The following STK10 variants were observed in gnomAD, a reference collection of about 807,000 sequenced individuals.
The protein encoded by STK10 is serine/threonine-protein kinase 10.
Under a neutral mutation model 113.8 loss-of-function variants are expected in STK10, and 78 were observed. The ratio of observed to expected loss-of-function variants is 0.69; its 90% confidence interval spans 0.57 to 0.83. The LOEUF is 0.83. STK10 is among the 40% of genes least tolerant of loss of function. The pLI is 0.00. For missense variants in STK10, 1,109 were observed against 1,280.1 expected, an observed-to-expected ratio of 0.87 and a Z score of 2.04; for synonymous variants, 465 against 494.7, an observed-to-expected ratio of 0.94 and a Z score of 0.80.
rs114978762 is a variant in STK10, at chr5:172,181,152, C to T, written c.156+6735G>A. On this transcript the variant is annotated intron_variant, in intron 1 of 18. Coordinates refer to ENST00000176763, the MANE Select transcript of STK10 (RefSeq NM_005990.4). ...ACACACCTCCTTCCACAGCTCCCTACGCTGCTGCCTTCCCAGCACCCACAT... is the reference window on the plus strand; with the variant it reads ...ACACACCTCCTTCCACAGCTCCCTATGCTGCTGCCTTCCCAGCACCCACAT... Among the ~76,000 whole-genome samples, 424 of 152,338 alleles carry T rather than the reference C, an allele frequency of 2.8e-3. 1 individual carries two copies. The highest frequency in any genetic ancestry group is 9.7e-3 in the African/African-American group (405 of 41,584).
At chr5:172,138,753 C>G (rs1300457707) in intron 2 of STK10, among the ~76,000 whole-genome samples, 1 of 152,112 alleles carries the variant, frequency 6.6e-6, no homozygotes, top group Non-Finnish European at 1.5e-5. Flanking sequence ...TGGCTCACAC[C>G]TGTAATCCCA....
intron 4 of STK10, chr5:172,114,729 C>G (rs1162924304): frequency 6.6e-6 from 1 of 151,572 alleles, no homozygotes; most frequent in Admixed American, 6.6e-5. Context: ...GTGATCCGCC[C>G]GCCTCGGCCT....
rs1364976034 is a variant in STK10 at position 172,043,011 on chromosome 5, A to G, written c.*1871T>C. ...CATGTATCTGTCGTCCCAGCTACTC[A>G]AGGTTGAAGCGGGAGAATCAGTTGA... is the stretch of plus-strand genomic sequence containing the variant. On this transcript the variant is annotated 3_prime_UTR_variant, in exon 19 of 19. Transcript: ENST00000176763. 1 of 152,116 alleles carries G rather than the reference A, an allele frequency of 6.6e-6. No individual in the cohort carries two copies. Among genetic ancestry groups the G allele is most frequent in the Non-Finnish European group, 1.5e-5 (1 of 68,018 alleles). The allele number at this position is 152,116 out of a possible 1,614,324, so 9.4% of individuals were successfully genotyped here.
intron 1 of STK10, among the ~76,000 whole-genome samples, chr5:172,180,234 C>T (rs1233356162): frequency 2.0e-5 from 3 of 152,190 alleles, no homozygotes; most frequent in Non-Finnish European, 4.4e-5. Context: ...GAGGCCGAGG[C>T]GGGCAGATCA....
chr5:172,166,684 T>C (rs1043019069), intron 1 of STK10, among the ~76,000 whole-genome samples: 1 of 152,106 alleles, frequency 6.6e-6, no homozygotes, highest in Non-Finnish European at 1.5e-5. Flanking sequence ...AGCAAAAACA[T>C]GCAATTGTGA....
In STK10 at chr5:172,054,619, C is replaced by T; in HGVS notation, c.2602G>A (p.Asp868Asn). Residue 868 changes from aspartate (D) to asparagine (N), a missense_variant, in exon 17 of 19, where the codon GAC (aspartate) becomes AAC (asparagine). Asp to Asn is a conservative substitution (Grantham distance 23). Around this residue, in one of 5 missense-constraint regions of STK10, gnomAD observed 885 missense variants for 991.1 expected, o/e 0.89. Transcript: ENST00000176763. Reference protein sequence around the residue: ...QQQKHENQMRDMLAQCESNMS... With the variant: ...QQQKHENQMRNMLAQCESNMS... ...TTGCTCTCACACTGCGCCAGCATGT[C>T]CCGCATCTGGTTCTCGTGTTTCTGC... is the stretch of plus-strand genomic sequence containing the variant. 6.2e-7 allele frequency: 1 copy of T among 1,610,660 alleles called. No individual in the cohort carries two copies. The highest frequency in any genetic ancestry group is 8.5e-7 in the Non-Finnish European group (1 of 1,179,862).
rs1054398590 is a variant in STK10, at chr5:172,158,898, A to C, written c.157-2110T>G. Among the ~76,000 whole-genome samples, 5 of 152,224 alleles carry C rather than the reference A, an allele frequency of 3.3e-5. 1 individual carries two copies. In the East Asian group the frequency reaches 9.6e-4, roughly 29 times the overall value. ...CAGGGGTTAGAAAGGGGAAATGGGG[A>C]GTTATTGTTTAGTGGGTAAAGAGTT... On this transcript the variant is annotated intron_variant, in intron 1 of 18. Transcript: ENST00000176763.
intron 7 of STK10, among the ~76,000 whole-genome samples, chr5:172,102,159 GC>G (rs1769004507): frequency 6.6e-6 from 1 of 152,192 alleles, no homozygotes; most frequent in Non-Finnish European, 1.5e-5. Flanking sequence ...GGAGGCAGCA[GC>G]CCGAGTGAGA....
chr5:172,073,018 G>A (rs1052027985), intron 12 of STK10, among the ~76,000 whole-genome samples: 5 of 152,130 alleles, frequency 3.3e-5, no homozygotes, highest in Admixed American at 3.3e-4. Context: ...TTGTTCCCAG[G>A]CTAAAGCACA....
At chr5:172,145,920 G>A (rs1167798968) in intron 2 of STK10, among the ~76,000 whole-genome samples, 1 of 152,190 alleles carries the variant, frequency 6.6e-6, no homozygotes, top group Non-Finnish European at 1.5e-5. Flanking sequence ...CATAGAGACA[G>A]CCCTGCACCA....
intron 4 of STK10, among the ~76,000 whole-genome samples, chr5:172,116,056 GTGT>G (rs1265650394): frequency 6.6e-6 from 1 of 152,092 alleles, no homozygotes; most frequent in Non-Finnish European, 1.5e-5. Flanking sequence ...CACCAACTAT[GTGT>G]TGTTTGTTTT....
At chr5:172,056,381 G>A (rs1439745149) in intron 15 of STK10, among the ~76,000 whole-genome samples, 1 of 152,204 alleles carries the variant, frequency 6.6e-6, no homozygotes, top group African/African-American at 2.4e-5. Context: ...GACAATTCCC[G>A]CAGGAGAGGG....
At chr5:172,060,966 C>T (rs1451902485) in intron 14 of STK10, among the ~76,000 whole-genome samples, 173 bp downstream of exon 14, 2 of 152,164 alleles carry the variant, frequency 1.3e-5, no homozygotes, top group Non-Finnish European at 2.9e-5. Context: ...GGTGTCCTTA[C>T]CTCGTTCCTT....
intron 1 of STK10, among the ~76,000 whole-genome samples, chr5:172,173,966 C>G (rs1385966041): frequency 6.6e-6 from 1 of 152,074 alleles, no homozygotes; most frequent in Non-Finnish European, 1.5e-5. Flanking sequence ...GGTGACTTGC[C>G]CAAAGTCACA....
chr5:172,076,555 C>T (rs1768312606), intron 12 of STK10, among the ~76,000 whole-genome samples: 1 of 152,184 alleles, frequency 6.6e-6, no homozygotes, highest in African/African-American at 2.4e-5. Context: ...TGGCTTCTAC[C>T]TGCTCAATGC....
At chr5:172,127,249 C>T (rs1479400044) in intron 3 of STK10, 124 bp downstream of exon 3, 2 of 997,280 alleles carry the variant, frequency 2.0e-6, no homozygotes, top group Non-Finnish European at 3.0e-6. Flanking sequence ...TCAAAGAGGC[C>T]ATGGGAACTG....
In STK10 at chr5:172,136,306, C is replaced by T. The variant is rs562450081; in HGVS notation, c.322-8885G>A. On this transcript the variant is annotated intron_variant, in intron 2 of 18. Transcript: ENST00000176763. Reference sequence around the variant, plus strand: ...AGGAGACTGAACAGTAATTTAAAACCTCCACACAGGCTGGGCGCAGTGGCT... The same window carrying T: ...AGGAGACTGAACAGTAATTTAAAACTTCCACACAGGCTGGGCGCAGTGGCT... 3.9e-5 allele frequency among the ~76,000 whole-genome samples: 6 copies of T among 152,176 alleles called. No homozygotes were observed. The East Asian group carries it at 5.8e-4, about 15-fold the overall frequency.
Position 172,044,610 on chromosome 5 carries a change from T to C in STK10, c.*272A>G, listed in dbSNP as rs1767457528. ...GACCCTGACCCCACCAACAGCCCCATCCCTTCCAGCTTGAAGGGATCTGGG... is the reference window on the plus strand; with the variant it reads ...GACCCTGACCCCACCAACAGCCCCACCCCTTCCAGCTTGAAGGGATCTGGG... On this transcript the variant is annotated 3_prime_UTR_variant, in exon 19 of 19. Transcript: ENST00000176763. This position sits in a 1 kb window ranked among gnomAD's most constrained non-coding sequence, Gnocchi z 4.5. 1 of 526,162 alleles carries C rather than the reference T, an allele frequency of 1.9e-6. No homozygotes were observed. Among genetic ancestry groups the C allele is most frequent in the Admixed American group, 3.2e-5 (1 of 31,246 alleles). 32.6% of individuals were successfully genotyped at this position (526,162 alleles called of 1,614,324 possible).
chr5:172,102,107 G>A (rs111395626), intron 7 of STK10, among the ~76,000 whole-genome samples: 2 of 152,240 alleles, frequency 1.3e-5, no homozygotes, highest in Admixed American at 6.5e-5. Context: ...TCTGGCTGCT[G>A]TGCTCAGCCC....
Sources: allele counts gnomAD v4.1 joint callset (sites outside exome capture counted in the v4.1 genomes callset), GRCh38; gene constraint gnomAD v4.1.1; regional missense constraint gnomAD v4.1.1; non-coding constraint Gnocchi (gnomAD v3.1); transcripts MANE v1.5; gene names NCBI Gene and HGNC (gene_info 2026-07-23, HGNC 2026-07-21).